The following CARMIL1 variants were observed in gnomAD, a reference collection of about 807,000 sequenced individuals.
CARMIL1 encodes capping protein regulator and myosin 1 linker 1.
In CARMIL1, 90 loss-of-function variants were observed where a neutral mutation model predicts 177.1. That is an observed-to-expected ratio of 0.51 (90% CI 0.43 to 0.61). CARMIL1 has a LOEUF of 0.61. Ranked by LOEUF, CARMIL1 falls within the 20% of genes least tolerant of loss-of-function variation. CARMIL1 has a pLI of 0.00. For synonymous variants in CARMIL1, 577 were observed against 606.2 expected, an observed-to-expected ratio of 0.95 and a Z score of 0.71; for missense variants, 1,380 against 1,667.0, an observed-to-expected ratio of 0.83 and a Z score of 3.00.
chr6:25,472,372 C>T (rs747318690), intron 10 of CARMIL1, 55 bp from the exon 11 acceptor site: 121 of 1,195,754 alleles, frequency 1.0e-4, no homozygotes, highest in Non-Finnish European at 1.3e-4. Context: ...TTAAATGTTC[C>T]GTTCGAATGG....
At chr6:25,581,800 T>C (rs1448771952) in intron 31 of CARMIL1, among the ~76,000 whole-genome samples, 1 of 152,164 alleles carries the variant, frequency 6.6e-6, no homozygotes, top group Non-Finnish European at 1.5e-5. Context: ...GCAAAAAAGA[T>C]ACAAGTACCC....
intron 23 of CARMIL1, among the ~76,000 whole-genome samples, chr6:25,527,163 A>G (rs1476461323): frequency 6.6e-6 from 1 of 152,206 alleles, no homozygotes; most frequent in African/African-American, 2.4e-5. Context: ...AAACCTGACA[A>G]TGACACCTTT....
intron 8 of CARMIL1, among the ~76,000 whole-genome samples, chr6:25,461,960 G>A (rs1190447369): frequency 6.6e-6 from 1 of 151,570 alleles, no homozygotes; most frequent in Non-Finnish European, 1.5e-5. Context: ...GTGCTTATTT[G>A]CTATACATAT....
intron 2 of CARMIL1, among the ~76,000 whole-genome samples, chr6:25,387,902 C>G (rs1158121302): frequency 2.0e-5 from 3 of 152,098 alleles, no homozygotes; most frequent in Non-Finnish European, 2.9e-5. Context: ...TTCTTTGCCT[C>G]TAGCTGTGAG....
chr6:25,613,114 G>C (rs1345596908), intron 36 of CARMIL1, among the ~76,000 whole-genome samples: 1 of 152,192 alleles, frequency 6.6e-6, no homozygotes, highest in Non-Finnish European at 1.5e-5. Flanking sequence ...TTATTAGGAA[G>C]ATCAAGTTAC....
In CARMIL1 at chr6:25,497,740, C is replaced by T. The variant is rs566477529; in HGVS notation, c.1326-2426C>T. ...GAAAGCAACACAATTTCTTTTGAGA[C>T]AGCGCTTTAAGTTTGGACATAACAA... On this transcript the variant is annotated intron_variant, in intron 16 of 36. Transcript: ENST00000329474. 3.9e-5 allele frequency among the ~76,000 whole-genome samples: 6 copies of T among 152,292 alleles called. No homozygotes were observed. In the South Asian group the frequency reaches 1.0e-3, roughly 26 times the overall value.
At chr6:25,349,725 ATT>A (rs67971403) in intron 2 of CARMIL1, among the ~76,000 whole-genome samples, 1,656 of 93,512 alleles carry the variant, frequency 0.018, 22 homozygotes, top group African/African-American at 0.061. Context: ...CAGTCCCCTC[ATT>A]TTTTTTTTTT....
intron 2 of CARMIL1, among the ~76,000 whole-genome samples, chr6:25,369,379 G>GTTT (rs5875032): frequency 0.024 from 3,438 of 140,764 alleles, 61 homozygotes; most frequent in Non-Finnish European, 0.033. Context: ...GCTGTATTTT[G>GTTT]TTTTTTTTTT....
intron 11 of CARMIL1, among the ~76,000 whole-genome samples, chr6:25,480,729 C>CTTTTTTTT (rs1309021528): frequency 3.5e-5 from 4 of 112,732 alleles, no homozygotes; most frequent in Non-Finnish European, 7.3e-5. Flanking sequence ...TATTTGTTTC[C>CTTTTTTTT]TTTTTTTTTT....
At chr6:25,472,666 C>T (rs373327428) in intron 11 of CARMIL1, 145 bp downstream of exon 11, 2 of 608,192 alleles carry the variant, frequency 3.3e-6, no homozygotes, top group East Asian at 2.8e-5. Context: ...GTTCTTTCCA[C>T]CCTTTCATAT....
At chr6:25,291,647 CA>C (rs1269394551) in intron 2 of CARMIL1, among the ~76,000 whole-genome samples, 1 of 150,466 alleles carries the variant, frequency 6.6e-6, no homozygotes, top group Non-Finnish European at 1.5e-5. Context: ...CTGTTTAAAA[CA>C]ATTTTTTTTT....
At chr6:25,453,737 T>G (rs1285805058) in intron 8 of CARMIL1, among the ~76,000 whole-genome samples, 1 of 152,234 alleles carries the variant, frequency 6.6e-6, no homozygotes, top group Non-Finnish European at 1.5e-5. Context: ...AGGATAAGTT[T>G]GTTTTAGAGT....
rs781388953 is a variant in CARMIL1 at position 25,619,492 on chromosome 6, A to G, written c.4025A>G (p.Gln1342Arg). ...CAGCAGGCCCAGGAGTATCAAGAAC[A>G]AAAGCAACGGTCCTCCAGTAAAGAT... ...WGQQAQEYQE[Q>R]KQRSSSKDGH... The change falls in exon 37 of 37, where the codon CAA becomes CGA. Residue 1342 changes from glutamine (Q) to arginine (R), a missense_variant. Physicochemically the swap from Gln to Arg is conservative, Grantham distance 43 (BLOSUM62 1). Transcript: ENST00000329474. 4 of 1,613,926 alleles carry G rather than the reference A, an allele frequency of 2.5e-6. No individual in the cohort carries two copies. The highest frequency in any genetic ancestry group is 1.1e-5 in the South Asian group (1 of 91,068).
At chr6:25,332,948 C>G (rs1375644883) in intron 2 of CARMIL1, among the ~76,000 whole-genome samples, 2 of 152,088 alleles carry the variant, frequency 1.3e-5, no homozygotes, top group Non-Finnish European at 2.9e-5. Flanking sequence ...GACATATGAC[C>G]CAAGAGTCCT....
At chr6:25,368,868 A>G (rs1232298721) in intron 2 of CARMIL1, among the ~76,000 whole-genome samples, 1 of 152,214 alleles carries the variant, frequency 6.6e-6, no homozygotes, top group East Asian at 1.9e-4. Context: ...TTAATTGGTC[A>G]AAATGTGTTG....
intron 4 of CARMIL1, among the ~76,000 whole-genome samples, chr6:25,428,225 TTGTC>T (rs556676961): frequency 1.0e-3 from 153 of 152,206 alleles, no homozygotes; most frequent in African/African-American, 3.6e-3. Context: ...TTTTTTTAGT[TTGTC>T]TTTTTTTTCT....
chr6:25,285,722 A>G (rs1781470828), intron 2 of CARMIL1, among the ~76,000 whole-genome samples: 1 of 152,124 alleles, frequency 6.6e-6, no homozygotes. Context: ...AACTCTGTGT[A>G]CCTGTCCTTC....
chr6:25,440,653 T>C (rs1328564736), intron 5 of CARMIL1, among the ~76,000 whole-genome samples: 1 of 152,202 alleles, frequency 6.6e-6, no homozygotes, highest in Non-Finnish European at 1.5e-5. Context: ...CCAGTATGCC[T>C]TAAGTCAAAG....
chr6:25,504,593 G>A (rs1159461063), intron 17 of CARMIL1, among the ~76,000 whole-genome samples: 2 of 152,158 alleles, frequency 1.3e-5, no homozygotes, highest in Admixed American at 6.5e-5. Context: ...ATCTGTGATA[G>A]CTAAGGTAAT....
Sources: allele counts gnomAD v4.1 joint callset (sites outside exome capture counted in the v4.1 genomes callset), GRCh38; gene constraint gnomAD v4.1.1; transcripts MANE v1.5; gene names NCBI Gene and HGNC (gene_info 2026-07-23, HGNC 2026-07-21).